The following DIS3L2 variants were observed in gnomAD, a reference collection of about 807,000 sequenced individuals.
DIS3L2 encodes the protein DIS3 like 3'-5' exoribonuclease 2.
In DIS3L2, 34 loss-of-function variants were observed where a neutral mutation model predicts 97.5. That is an observed-to-expected ratio of 0.35 (90% confidence interval 0.27 to 0.46). DIS3L2 has a LOEUF of 0.46. DIS3L2 is among the 20% of genes least tolerant of loss of function. The pLI is 1.00. For missense variants in DIS3L2, 1,038 were observed against 1,146.0 expected, an observed-to-expected ratio of 0.91 and a Z score of 1.36; for synonymous variants, 435 against 445.2, an observed-to-expected ratio of 0.98 and a Z score of 0.29.
At chr2:232,066,293 C>T (rs1370602617) in intron 5 of DIS3L2, among the ~76,000 whole-genome samples, 1 of 151,922 alleles carries the variant, frequency 6.6e-6, no homozygotes, top group Non-Finnish European at 1.5e-5. Flanking sequence ...CTTTATCAAG[C>T]TGAGGAAATA....
At chr2:232,235,171 C>T (rs1186591513) in intron 10 of DIS3L2, among the ~76,000 whole-genome samples, 1 of 152,220 alleles carries the variant, frequency 6.6e-6, no homozygotes, top group Non-Finnish European at 1.5e-5. Context: ...TCTCTCTGCT[C>T]TAAATGCTCT....
At chr2:232,314,255 G>A (rs1031970593) in intron 14 of DIS3L2, among the ~76,000 whole-genome samples, 5 of 152,214 alleles carry the variant, frequency 3.3e-5, no homozygotes, top group Non-Finnish European at 7.3e-5. Flanking sequence ...AGGATTGAAG[G>A]CTTTCCTCCT....
At chr2:231,979,760 A>T (rs1559510970) in intron 1 of DIS3L2, among the ~76,000 whole-genome samples, 1 of 151,632 alleles carries the variant, frequency 6.6e-6, no homozygotes, top group Admixed American at 6.6e-5. Context: ...GTATTTTTAG[A>T]AGAGATGGAG....
At chr2:232,334,997 G>A (rs1044942479) in intron 19 of DIS3L2, 3 of 479,572 alleles carry the variant, frequency 6.3e-6, no homozygotes, top group African/African-American at 5.9e-5. Flanking sequence ...TCGGCAGGGT[G>A]TGCAGGCTTT....
intron 16 of DIS3L2, chr2:232,332,061 G>C (rs2741256): frequency 0.063 from 9,520 of 151,552 alleles, 333 homozygotes; most frequent in Admixed American, 0.079. Flanking sequence ...AGGGCTGTCC[G>C]AGGGCTGTCC....
At chr2:232,056,034 A>T (rs1380517057) in intron 5 of DIS3L2, among the ~76,000 whole-genome samples, 1 of 152,188 alleles carries the variant, frequency 6.6e-6, no homozygotes, top group Non-Finnish European at 1.5e-5. Flanking sequence ...ACATAATACC[A>T]TATTTTCATG....
At chr2:232,082,218 A>G (rs987483951) in intron 5 of DIS3L2, among the ~76,000 whole-genome samples, 1 of 152,204 alleles carries the variant, frequency 6.6e-6, no homozygotes, top group African/African-American at 2.4e-5. Context: ...TTTTAGGATA[A>G]TAACATAGAA....
At chr2:232,204,013 T>C (rs1691964847) in intron 9 of DIS3L2, among the ~76,000 whole-genome samples, 1 of 152,156 alleles carries the variant, frequency 6.6e-6, no homozygotes, top group African/African-American at 2.4e-5. Context: ...CATGAAGGGC[T>C]TTAAATCCTA....
At chr2:231,962,835 G>A (rs539903767) in intron 1 of DIS3L2, among the ~76,000 whole-genome samples, 1 of 152,270 alleles carries the variant, frequency 6.6e-6, no homozygotes, top group Admixed American at 6.5e-5. Context: ...AACGTGTGGT[G>A]TTTAGTTTTC....
chr2:232,243,783 T>C (rs1006346220), intron 11 of DIS3L2, among the ~76,000 whole-genome samples: 1 of 152,216 alleles, frequency 6.6e-6, no homozygotes, highest in East Asian at 1.9e-4. Context: ...CCCACTGTTA[T>C]CTTTGCTGTC....
rs368721650 is a variant in DIS3L2 at position 232,087,459 on chromosome 2, T to C, written c.367-28T>C. The C allele has an allele frequency of 1.9e-6, 3 of 1,555,888 alleles. No homozygotes were observed. The African/African-American group carries it at 4.1e-5, about 21-fold the overall frequency. On this transcript the variant is annotated intron_variant, in intron 5 of 20. Coordinates refer to ENST00000325385, the MANE Select transcript of DIS3L2 (RefSeq NM_152383.5). ...TTTTTTTTTTTTCCTCTCTCAGTGATTTAGCAGAATTTTTCTGTTTTCTTT... is the reference window on the plus strand; with the variant it reads ...TTTTTTTTTTTTCCTCTCTCAGTGACTTAGCAGAATTTTTCTGTTTTCTTT...
chr2:232,249,460 G>A lies in DIS3L2; in HGVS notation c.1425+114G>A, dbSNP rs1445461870. On this transcript the variant is annotated intron_variant, in intron 12 of 20. Coordinates refer to ENST00000325385, the MANE Select transcript of DIS3L2 (RefSeq NM_152383.5). ...GGTGCCATGGTGGTAAGACAAGGGA[G>A]GTATGGAGTAGCCATCATAGAGAAA... 22 of 1,108,536 alleles carry A rather than the reference G, an allele frequency of 2.0e-5. No homozygotes were observed. In the Middle Eastern group the frequency reaches 6.0e-4, roughly 30 times the overall value. The allele number at this position is 1,108,536 out of a possible 1,614,324, so 68.7% of individuals were successfully genotyped here.
intron 1 of DIS3L2, among the ~76,000 whole-genome samples, chr2:231,964,472 T>A (rs1692657308): frequency 6.6e-6 from 1 of 152,190 alleles, no homozygotes; most frequent in African/African-American, 2.4e-5. Flanking sequence ...GACTTACACT[T>A]CAGAAGACAC....
intron 11 of DIS3L2, among the ~76,000 whole-genome samples, chr2:232,246,098 C>G (rs1693240171): frequency 6.6e-6 from 1 of 152,106 alleles, no homozygotes; most frequent in South Asian, 2.1e-4. Flanking sequence ...CTCAAGGCAC[C>G]TGAAGAAGCA....
chr2:232,090,042 G>T (rs1477404374), intron 6 of DIS3L2, among the ~76,000 whole-genome samples: 1 of 152,092 alleles, frequency 6.6e-6, no homozygotes, highest in Non-Finnish European at 1.5e-5. Context: ...CGATCTTCCT[G>T]CCTCAGCCTC....
chr2:232,157,672 T>C (rs997033719), intron 8 of DIS3L2, among the ~76,000 whole-genome samples: 1 of 152,208 alleles, frequency 6.6e-6, no homozygotes, highest in Non-Finnish European at 1.5e-5. Flanking sequence ...GCTCACTGGA[T>C]GCGATCTGAT....
intron 9 of DIS3L2, among the ~76,000 whole-genome samples, chr2:232,181,576 G>T (rs556099092): frequency 1.3e-5 from 2 of 151,636 alleles, no homozygotes; most frequent in Admixed American, 6.6e-5. Flanking sequence ...ATCTTCCATC[G>T]CTGATAGCCT....
intron 12 of DIS3L2, among the ~76,000 whole-genome samples, chr2:232,252,692 G>T (rs189799751): frequency 6.6e-6 from 1 of 152,296 alleles, no homozygotes; most frequent in Admixed American, 6.5e-5. Flanking sequence ...CTTGACCCCA[G>T]GAGTTCGAGA....
intron 9 of DIS3L2, among the ~76,000 whole-genome samples, chr2:232,174,942 A>G (rs1691107080): frequency 3.9e-5 from 6 of 151,926 alleles, no homozygotes; most frequent in Admixed American, 3.9e-4. Context: ...TGATCCTCCC[A>G]GCTCAGCCTC....
Sources: gnomAD v4.1 joint callset for allele counts (sites outside exome capture counted in the v4.1 genomes callset) on GRCh38, gnomAD v4.1.1 for gene constraint, MANE v1.5 for transcripts, NCBI Gene and HGNC (gene_info 2026-07-23, HGNC 2026-07-21) for gene names.